CAMSAP2: variants seen among roughly 807,000 people sequenced by gnomAD.
CAMSAP2 encodes calmodulin regulated spectrin associated protein family member 2.
A neutral mutation model predicts 146.1 loss-of-function variants in CAMSAP2; 26 were observed. That is an observed-to-expected ratio of 0.18 (90% CI 0.13 to 0.25). CAMSAP2 has a LOEUF of 0.25. CAMSAP2 is among the 10% of genes least tolerant of loss of function. The probability of loss-of-function intolerance (pLI) is 1.00; values close to 1 mark genes in which losing one functional copy is unlikely to be tolerated. For missense variants in CAMSAP2, 1,381 were observed against 1,759.3 expected (o/e 0.78, Z 3.85); for synonymous variants, 499 against 596.6 (o/e 0.84, Z 2.38).
chr1:200,819,478 T>C (rs1666691847), intron 4 of CAMSAP2, among the ~76,000 whole-genome samples: 1 of 152,236 alleles, frequency 6.6e-6, no homozygotes. Context: ...ATAGCCAAGA[T>C]GACATTAAGT....
chr1:200,847,387 T>G, intron 9 of CAMSAP2, 95 bp downstream of exon 9: 1 of 831,722 alleles, frequency 1.2e-6, no homozygotes, highest in Non-Finnish European at 1.9e-6. Flanking sequence ...TATCCAGGGT[T>G]TTTTTGTGTG....
In CAMSAP2 at chr1:200,832,380, A is replaced by G. The variant is rs749466550; in HGVS notation, c.787+39A>G. On this transcript the variant is annotated intron_variant, in intron 5 of 16. Transcript: ENST00000358823. The surrounding 1 kb of genome is among the most constrained non-coding windows in gnomAD (Gnocchi z 4.2). Reference sequence around the variant, plus strand: ...TGTAATACTTCTGAACTGTAGACAGATAGTAACCAATATTTAAGACAGTAT... The same window carrying G: ...TGTAATACTTCTGAACTGTAGACAGGTAGTAACCAATATTTAAGACAGTAT... 6.4e-7 allele frequency: 1 copy of G among 1,558,212 alleles called. No homozygotes were observed. Among genetic ancestry groups the G allele is most frequent in the African/African-American group, 1.4e-5 (1 of 72,676 alleles).
At chr1:200,765,008 G>A (rs1664906001) in intron 2 of CAMSAP2, among the ~76,000 whole-genome samples, 1 of 152,036 alleles carries the variant, frequency 6.6e-6, no homozygotes, top group Non-Finnish European at 1.5e-5. Flanking sequence ...GGAGGTTGAG[G>A]CAGGAGAATC....
intron 6 of CAMSAP2, among the ~76,000 whole-genome samples, chr1:200,834,386 A>T (rs762493792): frequency 6.6e-6 from 1 of 152,096 alleles, no homozygotes; most frequent in Non-Finnish European, 1.5e-5. Context: ...CATTATTATC[A>T]TCATCACGAA....
At chr1:200,847,389 TTTTG>T in intron 9 of CAMSAP2, 97 bp downstream of exon 9, 4 of 845,748 alleles carry the variant, frequency 4.7e-6, no homozygotes, top group South Asian at 1.7e-5. Context: ...TCCAGGGTTT[TTTTG>T]TGTGTGTGTG....
At chr1:200,749,164 G>A (rs747002743) in intron 1 of CAMSAP2, among the ~76,000 whole-genome samples, 39 of 152,192 alleles carry the variant, frequency 2.6e-4, no homozygotes, top group Admixed American at 6.5e-4. Context: ...CATGTGTCCT[G>A]TCTCTACTGC....
intron 2 of CAMSAP2, among the ~76,000 whole-genome samples, chr1:200,764,261 T>C (rs916907292): frequency 6.6e-6 from 1 of 152,006 alleles, no homozygotes; most frequent in Admixed American, 6.6e-5. Context: ...ATGCCAGCCT[T>C]TTGGGGGGAA....
At chr1:200,817,516 A>C (rs777624151) in intron 4 of CAMSAP2, among the ~76,000 whole-genome samples, 1 of 152,218 alleles carries the variant, frequency 6.6e-6, no homozygotes, top group Non-Finnish European at 1.5e-5. Context: ...GTATAGTATT[A>C]GAATTGAGGT....
At chr1:200,827,078 T>C (rs998070269) in intron 4 of CAMSAP2, among the ~76,000 whole-genome samples, 5 of 152,202 alleles carry the variant, frequency 3.3e-5, no homozygotes, top group Non-Finnish European at 5.9e-5. Flanking sequence ...ATGCATAGTA[T>C]ATTTATTTGT....
chr1:200,774,723 G>T (rs1403778830), intron 2 of CAMSAP2, among the ~76,000 whole-genome samples: 2 of 152,152 alleles, frequency 1.3e-5, no homozygotes, highest in Non-Finnish European at 2.9e-5. Flanking sequence ...AGAGGCTATC[G>T]CATTGCCGAC....
intron 1 of CAMSAP2, among the ~76,000 whole-genome samples, chr1:200,749,447 T>TTC (rs1190798856): frequency 7.0e-6 from 1 of 143,092 alleles, no homozygotes; most frequent in East Asian, 2.2e-4. Context: ...GACTCTTGTT[T>TTC]AGTGTCATGC....
chr1:200,742,754 C>T (rs1664215803), intron 1 of CAMSAP2, among the ~76,000 whole-genome samples: 1 of 151,604 alleles, frequency 6.6e-6, no homozygotes, highest in Non-Finnish European at 1.5e-5. Context: ...TTTTGATGTA[C>T]TGAAAAAGTA....
intron 11 of CAMSAP2, among the ~76,000 whole-genome samples, chr1:200,850,741 C>T (rs1200554210): frequency 6.6e-6 from 1 of 152,202 alleles, no homozygotes; most frequent in East Asian, 1.9e-4. Flanking sequence ...CTTCACCACC[C>T]CATTACTCAT....
At chr1:200,743,948 A>C (rs1571706363) in intron 1 of CAMSAP2, among the ~76,000 whole-genome samples, 1 of 35,350 alleles carries the variant, frequency 2.8e-5, no homozygotes, top group Non-Finnish European at 1.2e-4. Context: ...CTCAATAAAT[A>C]AATAAATAAA....
At chr1:200,820,228 T>C (rs951185175) in intron 4 of CAMSAP2, among the ~76,000 whole-genome samples, 11 of 151,982 alleles carry the variant, frequency 7.2e-5, no homozygotes, top group Non-Finnish European at 1.5e-4. Context: ...GCCCACCTAA[T>C]TTTTTGTGTA....
intron 2 of CAMSAP2, among the ~76,000 whole-genome samples, chr1:200,766,125 G>A (rs970643265): frequency 4.0e-5 from 6 of 151,458 alleles, no homozygotes; most frequent in African/African-American, 7.3e-5. Flanking sequence ...GTTTATTTAT[G>A]AGACTATCAA....
chr1:200,769,178 T>A (rs1232005904), intron 2 of CAMSAP2, among the ~76,000 whole-genome samples: 1 of 152,194 alleles, frequency 6.6e-6, no homozygotes, highest in Non-Finnish European at 1.5e-5. Flanking sequence ...TTCCCCATCC[T>A]TTGTTCCTCC....
intron 1 of CAMSAP2, among the ~76,000 whole-genome samples, chr1:200,747,103 T>C (rs1664354384): frequency 6.6e-6 from 1 of 152,144 alleles, no homozygotes; most frequent in African/African-American, 2.4e-5. Context: ...CTCACTGTGT[T>C]GCCCAAGCTG....
intron 2 of CAMSAP2, among the ~76,000 whole-genome samples, chr1:200,764,975 G>T (rs1248165550): frequency 6.6e-6 from 1 of 151,862 alleles, no homozygotes; most frequent in East Asian, 1.9e-4. Context: ...GTGATGGCAG[G>T]CACCTGTAAT....
Sources: allele counts gnomAD v4.1 joint callset (sites outside exome capture counted in the v4.1 genomes callset), GRCh38; gene constraint gnomAD v4.1.1; non-coding constraint Gnocchi (gnomAD v3.1); transcripts MANE v1.5; gene names NCBI Gene and HGNC (gene_info 2026-07-23, HGNC 2026-07-21).